FUT9: variants seen among roughly 807,000 people sequenced by gnomAD.
The protein encoded by FUT9 is fucosyltransferase 9.
In FUT9, 15 loss-of-function variants were observed where a neutral mutation model predicts 29.7. That is an observed-to-expected ratio of 0.51 (90% CI 0.34 to 0.78). The LOEUF is 0.78. Among genes scored for constraint, FUT9 ranks in the 30% least tolerant of loss-of-function variants. FUT9 has a pLI of 0.01. For missense variants in FUT9, 319 were observed against 425.4 expected (o/e 0.75, Z 2.20); for synonymous variants, 169 against 153.7 (o/e 1.10, Z -0.74).
At chr6:96,058,717 A>G (rs1233908406) in intron 1 of FUT9, among the ~76,000 whole-genome samples, 2 of 152,192 alleles carry the variant, frequency 1.3e-5, no homozygotes, top group African/African-American at 4.8e-5. Context: ...CAATGTTGTT[A>G]CTTGGAAAAG....
chr6:96,055,593 A>G (rs546611344), intron 1 of FUT9, among the ~76,000 whole-genome samples: 2 of 151,780 alleles, frequency 1.3e-5, no homozygotes, highest in South Asian at 2.1e-4. Flanking sequence ...GTAAACATGC[A>G]TCATGGGGGT....
rs529349763 is a variant in FUT9 at position 96,078,723 on chromosome 6, A to G, written c.-97-35316A>G. ...GCCTGAGCCACCGCACCCGGCCCAT[A>G]TTAGAGTCTTAACCAAATTTTTCAT... On this transcript the variant is annotated intron_variant, in intron 1 of 2. Transcript: ENST00000302103. 4.5e-4 allele frequency among the ~76,000 whole-genome samples: 69 copies of G among 152,054 alleles called. 1 individual carries two copies. Among genetic ancestry groups the G allele is most frequent in the African/African-American group, 1.5e-3 (62 of 41,494 alleles).
chr6:96,146,243 C>T (rs1348475903), intron 2 of FUT9, among the ~76,000 whole-genome samples: 2 of 152,164 alleles, frequency 1.3e-5, no homozygotes, highest in African/African-American at 2.4e-5. Context: ...GCAGGGGCTA[C>T]TCTGGGCCAT....
Position 96,206,659 on chromosome 6 carries a change from A to C in FUT9, c.*2424A>C, listed in dbSNP as rs1329552091. 2 of 160,808 alleles carry C rather than the reference A, an allele frequency of 1.2e-5. No homozygotes were observed. Among genetic ancestry groups the C allele is most frequent in the Non-Finnish European group, 2.9e-5 (2 of 68,108 alleles). The allele number at this position is 160,808 out of a possible 1,614,324, so 10.0% of individuals were successfully genotyped here. On this transcript the variant is annotated 3_prime_UTR_variant, in exon 3 of 3. Coordinates refer to ENST00000302103, the MANE Select transcript of FUT9 (RefSeq NM_006581.4). ...TGTATTTTTAGTAGAGATGGGTTTC[A>C]CTGTGTTGGCCAGGCTGGTCTTGAA...
At chr6:96,178,074 T>C (rs1448584548) in intron 2 of FUT9, among the ~76,000 whole-genome samples, 2 of 152,118 alleles carry the variant, frequency 1.3e-5, no homozygotes, top group Non-Finnish European at 2.9e-5. Context: ...GCCATTCTCC[T>C]CAGCTCCCAT....
chr6:96,087,193 G>A (rs936375049), intron 1 of FUT9, among the ~76,000 whole-genome samples: 3 of 151,980 alleles, frequency 2.0e-5, no homozygotes, highest in African/African-American at 7.2e-5. Flanking sequence ...GAATATTTTT[G>A]TTATCTCTTT....
chr6:96,091,186 C>T (rs757457939), intron 1 of FUT9, among the ~76,000 whole-genome samples: 13 of 152,024 alleles, frequency 8.6e-5, no homozygotes, highest in Admixed American at 7.2e-4. Flanking sequence ...CATTATTTGA[C>T]TCTCATGCAA....
At chr6:96,090,003 C>A (rs2127953495) in intron 1 of FUT9, among the ~76,000 whole-genome samples, 1 of 151,950 alleles carries the variant, frequency 6.6e-6, no homozygotes. Context: ...GAAGACTTGA[C>A]AAAAATACAA....
chr6:96,162,808 C>T (rs1260447491), intron 2 of FUT9, among the ~76,000 whole-genome samples: 1 of 152,174 alleles, frequency 6.6e-6, no homozygotes, highest in Non-Finnish European at 1.5e-5. Flanking sequence ...TCACTGCTGT[C>T]ATACTGGAGC....
At chr6:96,110,784 T>G (rs150787705) in intron 1 of FUT9, among the ~76,000 whole-genome samples, 1 of 116,862 alleles carries the variant, frequency 8.6e-6, no homozygotes, top group East Asian at 2.4e-4. Context: ...GCTTCCTGAG[T>G]AGCTGGGACT....
intron 2 of FUT9, among the ~76,000 whole-genome samples, chr6:96,121,739 A>T (rs373665856): frequency 2.0e-5 from 3 of 152,120 alleles, no homozygotes; most frequent in Non-Finnish European, 4.4e-5. Context: ...TACTCTAAAC[A>T]CAGTAGGATG....
chr6:96,161,494 T>C (rs1022818681), intron 2 of FUT9, among the ~76,000 whole-genome samples: 3 of 152,168 alleles, frequency 2.0e-5, no homozygotes, highest in African/African-American at 7.2e-5. Flanking sequence ...GACAGAAACA[T>C]AGATACAGAT....
intron 2 of FUT9, among the ~76,000 whole-genome samples, chr6:96,115,594 C>G (rs1322429401): frequency 6.6e-6 from 1 of 152,160 alleles, no homozygotes; most frequent in Non-Finnish European, 1.5e-5. Context: ...TTCAAGTGCT[C>G]AGCTGTCTCA....
At chr6:96,176,294 A>T (rs1773202992) in intron 2 of FUT9, among the ~76,000 whole-genome samples, 1 of 152,018 alleles carries the variant, frequency 6.6e-6, no homozygotes, top group Non-Finnish European at 1.5e-5. Flanking sequence ...TCCTATTTAT[A>T]TCTCTCTACA....
chr6:96,050,756 C>A (rs1770652485), intron 1 of FUT9, among the ~76,000 whole-genome samples: 1 of 152,114 alleles, frequency 6.6e-6, no homozygotes, highest in African/African-American at 2.4e-5. Context: ...AGAAAGATTA[C>A]CTCAGAGTCT....
At chr6:96,197,716 C>T (rs1773651843) in intron 2 of FUT9, among the ~76,000 whole-genome samples, 2 of 152,194 alleles carry the variant, frequency 1.3e-5, no homozygotes, top group Admixed American at 1.3e-4. Context: ...GGGAAAATCT[C>T]TTCCAACCCC....
chr6:96,165,474 A>G (rs1237855764), intron 2 of FUT9, among the ~76,000 whole-genome samples: 1 of 151,532 alleles, frequency 6.6e-6, no homozygotes, highest in Non-Finnish European at 1.5e-5. Flanking sequence ...CTTCAGTTAT[A>G]AAGATAAAAA....
Position 96,135,994 on chromosome 6 carries a change from C to T in FUT9, c.-9+21867C>T, listed in dbSNP as rs551257696. 3.1e-3 allele frequency among the ~76,000 whole-genome samples: 461 copies of T among 149,988 alleles called. 9 individuals are homozygous for T. The highest frequency in any genetic ancestry group is 3.6e-3 in the Non-Finnish European group (245 of 67,438). On this transcript the variant is annotated intron_variant, in intron 2 of 2. Transcript: ENST00000302103. ...ATAGCCTGAATCAATTACCCATTGC[C>T]AAAGAAATGACTTTTCTGAGATGAA...
At chr6:96,069,054 C>T (rs541843091) in intron 1 of FUT9, among the ~76,000 whole-genome samples, 104 of 152,294 alleles carry the variant, frequency 6.8e-4, no homozygotes, top group Admixed American at 1.0e-3. Context: ...CAGTGGCTTA[C>T]GCCTGTCATT....
Sources: gnomAD v4.1 joint callset for allele counts (sites outside exome capture counted in the v4.1 genomes callset) on GRCh38, gnomAD v4.1.1 for gene constraint, MANE v1.5 for transcripts, NCBI Gene and HGNC (gene_info 2026-07-23, HGNC 2026-07-21) for gene names.